Variants in SULT4A1 observed in about 807,000 individuals in gnomAD.
The protein encoded by SULT4A1 is sulfotransferase 4A1.
A neutral mutation model predicts 35.2 loss-of-function variants in SULT4A1; 11 were observed. That is an observed-to-expected ratio of 0.31 (90% CI 0.20 to 0.52). The LOEUF (loss-of-function observed/expected upper bound fraction) is 0.52. SULT4A1 is among the 20% of genes least tolerant of loss of function. The pLI is 0.97. For synonymous variants in SULT4A1, 152 were observed against 151.8 expected (o/e 1.00, Z -0.01); for missense variants, 271 against 383.7 (o/e 0.71, Z 2.45).
At chr22:43,851,972 T>G (rs1376308054) in intron 1 of SULT4A1, among the ~76,000 whole-genome samples, 1 of 152,192 alleles carries the variant, frequency 6.6e-6, no homozygotes, top group Non-Finnish European at 1.5e-5. Flanking sequence ...CTTCTGGGTT[T>G]CTAATCCACC....
chr22:43,831,580 T>C (rs1022855385), intron 5 of SULT4A1, among the ~76,000 whole-genome samples: 2 of 151,946 alleles, frequency 1.3e-5, no homozygotes, highest in Non-Finnish European at 2.9e-5. Flanking sequence ...CAACACTGGA[T>C]GGATGAAGCG....
rs1313202139 is a variant in SULT4A1, at chr22:43,829,016, T to A, written c.742+44A>T. 4 of 1,474,114 alleles carry A rather than the reference T, an allele frequency of 2.7e-6. No homozygotes were observed. The Admixed American group carries it at 7.0e-5, about 26-fold the overall frequency. 91.3% of individuals were successfully genotyped at this position (1,474,114 alleles called of 1,614,324 possible). A position where few individuals can be genotyped will look rare whatever the true frequency, so the allele number is the denominator to read the frequency against. ...AAGCAGGCAGAGAAAGCAGCCTGGCTGGGGTGGGGAGTGCCTGGGCGGGAG... is the reference window on the plus strand; with the variant it reads ...AAGCAGGCAGAGAAAGCAGCCTGGCAGGGGTGGGGAGTGCCTGGGCGGGAG... On this transcript the variant is annotated intron_variant, in intron 6 of 6. Transcript: ENST00000330884.
rs140014371 is a variant in SULT4A1 at position 43,850,944 on chromosome 22, G to A, written c.170-9012C>T. Among the ~76,000 whole-genome samples, 318 of 152,266 alleles carry A rather than the reference G, an allele frequency of 2.1e-3. 2 individuals carry two copies. Among genetic ancestry groups the A allele is most frequent in the African/African-American group, 6.3e-3 (260 of 41,544 alleles). ...CCCAGTTTACTCATTCACTAGGCCAGACAGTTGGCAAGGGTTGGGGGTGTC... is the reference window on the plus strand; with the variant it reads ...CCCAGTTTACTCATTCACTAGGCCAAACAGTTGGCAAGGGTTGGGGGTGTC... On this transcript the variant is annotated intron_variant, in intron 1 of 6. Transcript: ENST00000330884.
intron 1 of SULT4A1, among the ~76,000 whole-genome samples, chr22:43,859,114 T>A (rs1038728590): frequency 1.3e-5 from 2 of 152,120 alleles, no homozygotes; most frequent in Non-Finnish European, 2.9e-5. Flanking sequence ...AACCTGTCTC[T>A]CCCAGGCACA....
intron 1 of SULT4A1, among the ~76,000 whole-genome samples, chr22:43,845,377 G>A (rs1046066127): frequency 6.6e-6 from 1 of 152,204 alleles, no homozygotes; most frequent in African/African-American, 2.4e-5. Context: ...CAGCATCCAA[G>A]GCTGTCTCCT....
intron 1 of SULT4A1, among the ~76,000 whole-genome samples, chr22:43,848,694 G>A (rs2063491806): frequency 6.6e-6 from 1 of 152,200 alleles, no homozygotes; most frequent in African/African-American, 2.4e-5. Context: ...AGGGGGCATG[G>A]GGCTGTGGCC....
At chr22:43,837,267 C>T (rs1480904334) in intron 4 of SULT4A1, among the ~76,000 whole-genome samples, 1 of 152,234 alleles carries the variant, frequency 6.6e-6, no homozygotes, top group Non-Finnish European at 1.5e-5. Context: ...TGGGACCTTG[C>T]ACTCAGTGGA....
intron 5 of SULT4A1, among the ~76,000 whole-genome samples, chr22:43,831,648 C>T (rs746404874): frequency 5.3e-5 from 8 of 152,362 alleles, no homozygotes; most frequent in South Asian, 2.1e-4. Context: ...AACAGAGCTC[C>T]GCGCCACGCA....
intron 6 of SULT4A1, among the ~76,000 whole-genome samples, chr22:43,827,913 G>A (rs963519923): frequency 5.3e-5 from 8 of 152,230 alleles, no homozygotes; most frequent in East Asian, 1.9e-4. Context: ...GAAAGAAGTC[G>A]AGAGGGACTG....
intron 4 of SULT4A1, 50 bp from the exon 5 acceptor site, chr22:43,833,784 C>T (rs1230873686): frequency 1.3e-6 from 2 of 1,486,526 alleles, no homozygotes; most frequent in Non-Finnish European, 1.8e-6. Flanking sequence ...AGGAGAAGCG[C>T]ACACATGGGG....
intron 1 of SULT4A1, among the ~76,000 whole-genome samples, chr22:43,843,573 T>C (rs1032783651): frequency 2.6e-5 from 4 of 152,208 alleles, no homozygotes; most frequent in African/African-American, 9.6e-5. Flanking sequence ...AGCCCTTTTG[T>C]CCAGTCCCAT....
At position 43,861,857 on chromosome 22, in the gene SULT4A1, G is replaced by T. The variant is rs529860773; in HGVS notation, c.169+357C>A. Reference sequence around the variant, plus strand: ...GGATTCAGGAACAGAGAGGTTGAGTGACCTGTCCAAGGTCACACAGCCAGC... The same window carrying T: ...GGATTCAGGAACAGAGAGGTTGAGTTACCTGTCCAAGGTCACACAGCCAGC... On this transcript the variant is annotated intron_variant, in intron 1 of 6. Coordinates refer to ENST00000330884, the MANE Select transcript of SULT4A1 (RefSeq NM_014351.4). Among the ~76,000 whole-genome samples, 15 of 152,370 alleles carry T rather than the reference G, an allele frequency of 9.8e-5. No homozygotes were observed. The Middle Eastern group carries it at 0.01, about 104-fold the overall frequency.
chr22:43,845,336 C>T (rs1043836172), intron 1 of SULT4A1, among the ~76,000 whole-genome samples: 2 of 152,110 alleles, frequency 1.3e-5, no homozygotes, highest in African/African-American at 2.4e-5. Context: ...CGCTGCCCAG[C>T]GCCTCAGTGG....
In SULT4A1 at chr22:43,833,739, G is replaced by A. The variant is rs373378805; in HGVS notation, c.509-5C>T. On this transcript the variant is annotated splice_region_variant and splice_polypyrimidine_tract_variant and intron_variant, in intron 4 of 6. Transcript: ENST00000330884. Reference sequence around the variant, plus strand: ...CAAACCAGGAGCCGTAGCCCACTGCGGAGACAGGGGACAGGGTGAGCCACA... The same window carrying A: ...CAAACCAGGAGCCGTAGCCCACTGCAGAGACAGGGGACAGGGTGAGCCACA... 5.0e-5 allele frequency: 78 copies of A among 1,563,058 alleles called. No homozygotes were observed. The highest frequency in any genetic ancestry group is 3.4e-4 in the Middle Eastern group (2 of 5,928).
intron 3 of SULT4A1, 111 bp from the exon 4 acceptor site, chr22:43,839,104 C>T (rs543653627): frequency 1.4e-6 from 2 of 1,421,658 alleles, no homozygotes; most frequent in Non-Finnish European, 1.9e-6. Context: ...AAACCAACAC[C>T]TGCTTCCAGC....
chr22:43,837,790 A>G (rs2063389466), intron 4 of SULT4A1, among the ~76,000 whole-genome samples: 1 of 152,168 alleles, frequency 6.6e-6, no homozygotes, highest in Non-Finnish European at 1.5e-5. Flanking sequence ...CCACTGCCCT[A>G]AGTTCCACTT....
intron 1 of SULT4A1, among the ~76,000 whole-genome samples, chr22:43,851,197 C>T (rs1255744081): frequency 6.6e-6 from 1 of 152,228 alleles, no homozygotes; most frequent in African/African-American, 2.4e-5. Flanking sequence ...TCACACTTTT[C>T]ATCTCCAGGA....
intron 1 of SULT4A1, among the ~76,000 whole-genome samples, chr22:43,847,636 T>C (rs1040465563): frequency 1.6e-5 from 2 of 128,010 alleles, no homozygotes; most frequent in Non-Finnish European, 3.2e-5. Context: ...AGCGCCCCAG[T>C]GGCCCAAAGC....
At chr22:43,852,344 T>C (rs1006317307) in intron 1 of SULT4A1, among the ~76,000 whole-genome samples, 3 of 121,540 alleles carry the variant, frequency 2.5e-5, no homozygotes, top group African/African-American at 7.7e-5. Context: ...GGTTTTTTTT[T>C]GTTGTTTTTT....
Sources: gnomAD v4.1 joint callset for allele counts (sites outside exome capture counted in the v4.1 genomes callset) on GRCh38, gnomAD v4.1.1 for gene constraint, MANE v1.5 for transcripts, NCBI Gene and HGNC (gene_info 2026-07-23, HGNC 2026-07-21) for gene names.